KCNJ2: variants seen among roughly 807,000 people sequenced by gnomAD.
KCNJ2 encodes the protein inward rectifier potassium channel 2.
A neutral mutation model predicts 28.4 loss-of-function variants in KCNJ2; 12 were observed. The ratio of observed to expected loss-of-function variants is 0.42; its 90% CI spans 0.27 to 0.68. The LOEUF (loss-of-function observed/expected upper bound fraction) is 0.68. Among genes scored for constraint, KCNJ2 ranks in the 30% least tolerant of loss-of-function variants. KCNJ2 has a pLI of 0.23. For synonymous variants in KCNJ2, 200 were observed against 203.2 expected, an observed-to-expected ratio of 0.98 and a Z score of 0.13; for missense variants, 320 against 551.3, an observed-to-expected ratio of 0.58 and a Z score of 4.20.
In KCNJ2 at chr17:70,175,730, C is replaced by T; in HGVS notation, c.691C>T (p.Leu231Phe). ...GGTGGAAGCTCATGTTCGAGCACAG[C>T]TCCTCAAATCCAGAATTACTTCTGA... ...HLVEAHVRAQLLKSRITSEGE... is the reference protein window; with the variant it reads ...HLVEAHVRAQFLKSRITSEGE... The change falls in exon 2 of 2, where the codon CTC becomes TTC. Residue 231 changes from leucine to phenylalanine, a missense_variant. Leu to Phe is a conservative substitution (Grantham distance 22). Transcript: ENST00000243457. The surrounding 1 kb of genome is among the most constrained non-coding windows in gnomAD (Gnocchi z 8.3). 1 of 1,614,198 alleles carries T rather than the reference C, an allele frequency of 6.2e-7. No individual in the cohort carries two copies. The highest frequency in any genetic ancestry group is 1.1e-5 in the South Asian group (1 of 91,084).
intron 1 of KCNJ2, among the ~76,000 whole-genome samples, chr17:70,172,536 A>G (rs2074370869): frequency 6.6e-6 from 1 of 152,210 alleles, no homozygotes; most frequent in South Asian, 2.1e-4. Context: ...ATTCAAACAA[A>G]TGTCCTGGGG....
In KCNJ2 at chr17:70,176,566, G is replaced by T. The variant is rs2074394878; in HGVS notation, c.*243G>T. 5.3e-6 allele frequency: 3 copies of T among 562,220 alleles called. No homozygotes were observed. Among genetic ancestry groups the T allele is most frequent in the Non-Finnish European group, 9.8e-6 (3 of 305,954 alleles). 34.8% of individuals were successfully genotyped at this position (562,220 alleles called of 1,614,324 possible). On this transcript the variant is annotated 3_prime_UTR_variant, in exon 2 of 2. Coordinates refer to ENST00000243457, the MANE Select transcript of KCNJ2 (RefSeq NM_000891.3). Reference sequence around the variant, plus strand: ...TGTAGAATAAGTTATGGGTTTTTATGTTTTGTTTTGTGTTTTTCCAAAACT... The same window carrying T: ...TGTAGAATAAGTTATGGGTTTTTATTTTTTGTTTTGTGTTTTTCCAAAACT...
In KCNJ2 at chr17:70,174,985, G is replaced by T. The variant is rs1042942186; in HGVS notation, c.-55G>T. The T allele has an allele frequency of 1.9e-6, 3 of 1,581,022 alleles. No individual in the cohort carries two copies. The highest frequency in any genetic ancestry group is 2.6e-6 in the Non-Finnish European group (3 of 1,153,056). ...CAAAACTGTTTCTCCAAAGCGTTTT[G>T]CAAAAACTCAGACTGTTTTCCAAAG... On this transcript the variant is annotated 5_prime_UTR_variant, in exon 2 of 2. Transcript: ENST00000243457.
chr17:70,171,529 ATT>A (rs3837841), intron 1 of KCNJ2, among the ~76,000 whole-genome samples: 8 of 148,232 alleles, frequency 5.4e-5, no homozygotes, highest in African/African-American at 2.0e-4. Flanking sequence ...CTCTCATTTG[ATT>A]TTTTTTTTTA....
chr17:70,171,942 C>G (rs1052557084), intron 1 of KCNJ2, among the ~76,000 whole-genome samples: 1 of 152,000 alleles, frequency 6.6e-6, no homozygotes, highest in East Asian at 1.9e-4. Context: ...TTCTCATCTA[C>G]TCCTCATTGA....
chr17:70,169,810 C>T (rs936828467), intron 1 of KCNJ2, 109 bp downstream of exon 1: 2 of 152,882 alleles, frequency 1.3e-5, no homozygotes, highest in Non-Finnish European at 2.9e-5. Flanking sequence ...CCAGAGGTGC[C>T]CAGCTGTCAC....
chr17:70,171,204 G>A (rs2074363319), intron 1 of KCNJ2, among the ~76,000 whole-genome samples: 1 of 152,194 alleles, frequency 6.6e-6, no homozygotes. Flanking sequence ...GTGTCGTTGA[G>A]TATAAATGTT....
At position 70,176,097 on chromosome 17, in the gene KCNJ2, C is replaced by G; in HGVS notation, c.1058C>G (p.Thr353Ser). The change falls in exon 2 of 2, where the codon ACT (threonine) becomes AGT (serine). Residue 353 changes from threonine to serine, a missense_variant. Transcript: ENST00000243457. The part of the protein sequence containing the change: ...RFHKTYEVPN[T>S]PLCSARDLAE... ...CACAAAACTTACGAAGTCCCCAACA[C>G]TCCCCTTTGTAGTGCCAGAGACTTA... 1 of 1,614,074 alleles carries G rather than the reference C, an allele frequency of 6.2e-7. No homozygotes were observed. The highest frequency in any genetic ancestry group is 1.1e-5 in the South Asian group (1 of 91,086).
intron 1 of KCNJ2, among the ~76,000 whole-genome samples, chr17:70,172,908 A>G (rs1225605042): frequency 6.6e-6 from 1 of 152,208 alleles, no homozygotes; most frequent in Non-Finnish European, 1.5e-5. Flanking sequence ...CATGTACAGG[A>G]TCTAGAACTT....
Position 70,176,430 on chromosome 17 carries a change from C to A in KCNJ2, c.*107C>A. The A allele has an allele frequency of 2.0e-6, 2 of 1,015,676 alleles. No homozygotes were observed. The highest frequency in any genetic ancestry group is 3.1e-6 in the Non-Finnish European group (2 of 645,156). The allele number at this position is 1,015,676 out of a possible 1,614,324, so 62.9% of individuals were successfully genotyped here. ...TACTGGTCAAGATGGGTCAAGCAAG[C>A]GGCCACAAGGGACTGAGGCAAGCAC... On this transcript the variant is annotated 3_prime_UTR_variant, in exon 2 of 2. Coordinates refer to ENST00000243457, the MANE Select transcript of KCNJ2 (RefSeq NM_000891.3).
At chr17:70,173,599 T>C (rs2074375936) in intron 1 of KCNJ2, among the ~76,000 whole-genome samples, 1 of 152,234 alleles carries the variant, frequency 6.6e-6, no homozygotes, top group Non-Finnish European at 1.5e-5. Flanking sequence ...AGTACATAGA[T>C]AGTTCTTAGC....
chr17:70,169,921 T>A (rs1182040417), intron 1 of KCNJ2, among the ~76,000 whole-genome samples: 4 of 152,168 alleles, frequency 2.6e-5, no homozygotes, highest in Non-Finnish European at 5.9e-5. Flanking sequence ...TGAGACATGC[T>A]TGGAACAGTT....
At chr17:70,173,276 G>A (rs1416172218) in intron 1 of KCNJ2, among the ~76,000 whole-genome samples, 4 of 152,290 alleles carry the variant, frequency 2.6e-5, no homozygotes, top group East Asian at 1.9e-4. Flanking sequence ...ATTTGTTTGC[G>A]GCTGGCTTGG....
chr17:70,170,115 T>C lies in KCNJ2; in HGVS notation c.-217+414T>C, dbSNP rs554099138. On this transcript the variant is annotated intron_variant, in intron 1 of 1. Transcript: ENST00000243457. ...TTTGGGGGTGCGTCTTGAGCCCTGG[T>C]CTTAAACCTTGGCAAAGCTTGGGAC... 1.3e-5 allele frequency among the ~76,000 whole-genome samples: 2 copies of C among 151,424 alleles called. 1 individual carries two copies. Among genetic ancestry groups the C allele is most frequent in the Non-Finnish European group, 2.9e-5 (2 of 67,942 alleles).
At chr17:70,170,207 TCAAA>T (rs1382113001) in intron 1 of KCNJ2, among the ~76,000 whole-genome samples, 1 of 152,132 alleles carries the variant, frequency 6.6e-6, no homozygotes, top group Non-Finnish European at 1.5e-5. Context: ...GCTGTGAGTT[TCAAA>T]CAGAGTGAGT....
rs2074397901 is a variant in KCNJ2 at position 70,177,146 on chromosome 17, C to T, written c.*823C>T. 6.0e-6 allele frequency: 1 copy of T among 167,124 alleles called. No homozygotes were observed. The highest frequency in any genetic ancestry group is 2.4e-5 in the African/African-American group (1 of 41,460). The allele number at this position is 167,124 out of a possible 1,614,324, so 10.4% of individuals were successfully genotyped here. A position where few individuals can be genotyped will look rare whatever the true frequency, so the allele number is the denominator to read the frequency against. On this transcript the variant is annotated 3_prime_UTR_variant, in exon 2 of 2. Coordinates refer to ENST00000243457, the MANE Select transcript of KCNJ2 (RefSeq NM_000891.3). Reference sequence around the variant, plus strand: ...ACAATAACTTTGAACCTCAGCAAGACCTTGAACCGCCGGTTCATTTTGCAC... The same window carrying T: ...ACAATAACTTTGAACCTCAGCAAGATCTTGAACCGCCGGTTCATTTTGCAC...
rs2074410173 is a variant in KCNJ2, at chr17:70,178,768, G to C, written c.*2445G>C. ...GTTTTTTCAAGAAAATTTTGCAGAA[G>C]CTATGTTTTTAAAGTGTACATTTTA... On this transcript the variant is annotated 3_prime_UTR_variant, in exon 2 of 2. Coordinates refer to ENST00000243457, the MANE Select transcript of KCNJ2 (RefSeq NM_000891.3). 6.0e-6 allele frequency: 1 copy of C among 166,748 alleles called. No individual in the cohort carries two copies. Among genetic ancestry groups the C allele is most frequent in the Non-Finnish European group, 1.5e-5 (1 of 68,086 alleles). The allele number at this position is 166,748 out of a possible 1,614,324, so 10.3% of individuals were successfully genotyped here. A position where few individuals can be genotyped will look rare whatever the true frequency, so the allele number is the denominator to read the frequency against.
In KCNJ2 at chr17:70,175,877, T is replaced by C; in HGVS notation, c.838T>C (p.Tyr280His). 1 of 1,614,198 alleles carries C rather than the reference T, an allele frequency of 6.2e-7. No homozygotes were observed. Among genetic ancestry groups the C allele is most frequent in the Non-Finnish European group, 8.5e-7 (1 of 1,180,036 alleles). ...TGAAATAGATGAAGACAGTCCTTTATATGATTTGAGTAAACAGGACATTGA... is the reference window on the plus strand; with the variant it reads ...TGAAATAGATGAAGACAGTCCTTTACATGATTTGAGTAAACAGGACATTGA... ...VHEIDEDSPL[Y>H]DLSKQDIDNA... The change falls in exon 2 of 2, where the codon TAT becomes CAT. Residue 280 changes from tyrosine to histidine, a missense_variant. Tyr to His is a moderately conservative substitution (Grantham distance 83, BLOSUM62 2). Around this residue, in one of 3 missense-constraint regions of KCNJ2, gnomAD observed 155 missense variants for 231.6 expected, o/e 0.67. Transcript: ENST00000243457. The surrounding 1 kb of genome is among the most constrained non-coding windows in gnomAD (Gnocchi z 8.3).
chr17:70,178,330 A>G lies in KCNJ2; in HGVS notation c.*2007A>G, dbSNP rs963200333. The G allele has an allele frequency of 2.4e-5, 4 of 167,000 alleles. No individual in the cohort carries two copies. The highest frequency in any genetic ancestry group is 6.5e-5 in the Admixed American group (1 of 15,272). The allele number at this position is 167,000 out of a possible 1,614,324, so 10.3% of individuals were successfully genotyped here. A position where few individuals can be genotyped will look rare whatever the true frequency, so the allele number is the denominator to read the frequency against. The stretch of plus-strand genomic sequence containing the variant: ...TATTTTCAATGAAACAAAGAAAGAG[A>G]TGTTAAGCAAGTGGTTGTTTTAGAT... On this transcript the variant is annotated 3_prime_UTR_variant, in exon 2 of 2. Coordinates refer to ENST00000243457, the MANE Select transcript of KCNJ2 (RefSeq NM_000891.3).
Sources: allele counts gnomAD v4.1 joint callset (sites outside exome capture counted in the v4.1 genomes callset), GRCh38; gene constraint gnomAD v4.1.1; regional missense constraint gnomAD v4.1.1; non-coding constraint Gnocchi (gnomAD v3.1); transcripts MANE v1.5; gene names NCBI Gene and HGNC (gene_info 2026-07-23, HGNC 2026-07-21).